MAP4: variants seen among roughly 807,000 people sequenced by gnomAD.
MAP4 encodes the protein microtubule associated protein 4.
A neutral mutation model predicts 170.2 loss-of-function variants in MAP4; 76 were observed. The ratio of observed to expected loss-of-function variants is 0.45; its 90% CI spans 0.37 to 0.54. MAP4 has a LOEUF of 0.54. Ranked by LOEUF, MAP4 falls within the 20% of genes least tolerant of loss-of-function variation. The pLI, the probability that MAP4 is intolerant of heterozygous loss-of-function variation, is 0.00. For synonymous variants in MAP4, 909 were observed against 994.5 expected (o/e 0.91, Z 1.62); for missense variants, 2,506 against 2,748.0 (o/e 0.91, Z 1.97).
chr3:47,985,125 C>G lies in MAP4; in HGVS notation c.224-7192G>C, dbSNP rs138544369. Among the ~76,000 whole-genome samples the G allele has an allele frequency of 4.9e-3, 747 of 151,686 alleles. 5 individuals carry two copies. Among genetic ancestry groups the G allele is most frequent in the African/African-American group, 0.014 (575 of 41,302 alleles). On this transcript the variant is annotated intron_variant, in intron 2 of 20. Coordinates refer to ENST00000683076, the MANE Select transcript of MAP4 (RefSeq NM_001385682.1). Reference sequence around the variant, plus strand: ...TGAAACCCCATCTCTACCAAAAATACAAAAATTAGCCAGGCATGGTGGTGC... The same window carrying G: ...TGAAACCCCATCTCTACCAAAAATAGAAAAATTAGCCAGGCATGGTGGTGC...
chr3:47,899,784 G>T (rs2100029036), intron 10 of MAP4, among the ~76,000 whole-genome samples: 1 of 152,172 alleles, frequency 6.6e-6, no homozygotes, highest in Non-Finnish European at 1.5e-5. Context: ...CCCAAGCGGT[G>T]GTGATCTGGA....
In MAP4 at chr3:47,918,718, C is replaced by T. The variant is rs544213325; in HGVS notation, c.652+1G>A. On this transcript the variant is annotated splice_donor_variant, in intron 6 of 20. Transcript: ENST00000683076. LOFTEE classifies it high-confidence loss of function. ...GATAAAGGGAGTCTCTAATAGTTTA[C>T]CTGCCGTTGGCTGAGGAGGTTCTGC... 3.1e-6 allele frequency: 5 copies of T among 1,607,506 alleles called. No homozygotes were observed. The highest frequency in any genetic ancestry group is 1.1e-5 in the South Asian group (1 of 90,912).
intron 1 of MAP4, among the ~76,000 whole-genome samples, chr3:48,069,254 T>C (rs1302930575): frequency 6.6e-6 from 1 of 152,346 alleles, no homozygotes; most frequent in African/African-American, 2.4e-5. Context: ...ACCAATTCCA[T>C]ATACACAAAA....
chr3:47,988,054 C>T (rs1033244000), intron 2 of MAP4, among the ~76,000 whole-genome samples: 2 of 151,892 alleles, frequency 1.3e-5, no homozygotes, highest in South Asian at 2.1e-4. Context: ...ATTAGCCGGG[C>T]GTGGCGGCAC....
chr3:47,976,127 A>G (rs9814961), intron 3 of MAP4, among the ~76,000 whole-genome samples: 60,231 of 151,958 alleles, frequency 0.4, 13,213 homozygotes, highest in African/African-American at 0.59. Flanking sequence ...GTTCAATTCA[A>G]AACTCAATCC....
At chr3:47,881,296 A>G (rs1030251152) in intron 10 of MAP4, among the ~76,000 whole-genome samples, 24 of 150,920 alleles carry the variant, frequency 1.6e-4, no homozygotes, top group Non-Finnish European at 2.4e-4. Context: ...AAAAATCGAA[A>G]GAAAATTAGT....
intron 2 of MAP4, among the ~76,000 whole-genome samples, chr3:47,987,609 C>T (rs1282324672): frequency 6.6e-6 from 1 of 152,200 alleles, no homozygotes; most frequent in African/African-American, 2.4e-5. Flanking sequence ...TTCTCCATTT[C>T]GATGACTAGC....
At chr3:48,085,797 C>T (rs1579935382) in intron 1 of MAP4, among the ~76,000 whole-genome samples, 5 of 152,298 alleles carry the variant, frequency 3.3e-5, no homozygotes, top group Admixed American at 3.3e-4. Context: ...TGGCTCACGC[C>T]TGTAATCCCA....
intron 1 of MAP4, among the ~76,000 whole-genome samples, chr3:48,032,072 A>G (rs2100116435): frequency 6.6e-6 from 1 of 152,168 alleles, no homozygotes; most frequent in African/African-American, 2.4e-5. Context: ...TCTACAAAAT[A>G]TCAGACCAGT....
At chr3:47,932,029 T>C (rs1240281210) in intron 3 of MAP4, 1 of 152,164 alleles carries the variant, frequency 6.6e-6, no homozygotes, top group Non-Finnish European at 1.5e-5. Context: ...ATCACCACTA[T>C]CTAACTTCAG....
At chr3:48,055,892 C>G (rs1348880943) in intron 1 of MAP4, among the ~76,000 whole-genome samples, 1 of 73,400 alleles carries the variant, frequency 1.4e-5, no homozygotes, top group Non-Finnish European at 3.5e-5. Context: ...TCTGCCCGGC[C>G]GAGACCCCGT....
chr3:47,909,034 A>G lies in MAP4; in HGVS notation c.5383+4T>C, dbSNP rs1183335642. ...ACACACATTTCCCCATGGCAGGTTCATACCAGCGGACTTCAGTTGCTTATG... is the reference window on the plus strand; with the variant it reads ...ACACACATTTCCCCATGGCAGGTTCGTACCAGCGGACTTCAGTTGCTTATG... On this transcript the variant is annotated splice_donor_region_variant and intron_variant, in intron 9 of 20. Transcript: ENST00000683076. 5 of 1,610,242 alleles carry G rather than the reference A, an allele frequency of 3.1e-6. No individual in the cohort carries two copies. In the South Asian group the frequency reaches 4.4e-5, roughly 14 times the overall value.
At chr3:48,056,650 G>T (rs2100131923) in intron 1 of MAP4, among the ~76,000 whole-genome samples, 1 of 124,788 alleles carries the variant, frequency 8.0e-6, no homozygotes, top group African/African-American at 3.7e-5. Context: ...CAGCCGCCCT[G>T]TCTGGGAGGG....
At chr3:47,986,081 C>G (rs2100088470) in intron 2 of MAP4, among the ~76,000 whole-genome samples, 1 of 152,148 alleles carries the variant, frequency 6.6e-6, no homozygotes, top group Non-Finnish European at 1.5e-5. Flanking sequence ...GTAAAGGGTA[C>G]ATGGTAGGTT....
At chr3:48,069,150 T>C (rs570275619) in intron 1 of MAP4, among the ~76,000 whole-genome samples, 1 of 152,292 alleles carries the variant, frequency 6.6e-6, no homozygotes, top group South Asian at 2.1e-4. Context: ...TTCCAGTAAG[T>C]CCATGAGTTT....
intron 9 of MAP4, among the ~76,000 whole-genome samples, chr3:47,906,458 C>T (rs2100033072): frequency 6.6e-6 from 1 of 151,958 alleles, no homozygotes; most frequent in African/African-American, 2.4e-5. Context: ...CTGAGGCAGA[C>T]AGATCACCTG....
At chr3:47,872,168 T>C (rs1372804198) in intron 12 of MAP4, 68 bp from the exon 13 acceptor site, 3 of 1,357,866 alleles carry the variant, frequency 2.2e-6, no homozygotes, top group Middle Eastern at 4.0e-4. Context: ...CGCTACAAGA[T>C]GCTTCTTTTT....
At chr3:48,027,522 T>G (rs1305639693) in intron 1 of MAP4, among the ~76,000 whole-genome samples, 1 of 152,118 alleles carries the variant, frequency 6.6e-6, no homozygotes, top group African/African-American at 2.4e-5. Context: ...ATCAGTAATC[T>G]TTGAATGAAA....
chr3:47,914,980 A>C, intron 7 of MAP4, 41 bp from the exon 8 acceptor site: 1 of 1,612,418 alleles, frequency 6.2e-7, no homozygotes, highest in Non-Finnish European at 8.5e-7. Context: ...TCAGAGAAGC[A>C]TGATTTCAGC....
Sources: gnomAD v4.1 joint callset for allele counts (sites outside exome capture counted in the v4.1 genomes callset) on GRCh38, gnomAD v4.1.1 for gene constraint, MANE v1.5 for transcripts, NCBI Gene and HGNC (gene_info 2026-07-23, HGNC 2026-07-21) for gene names.